Variants in SESN1 observed in about 807,000 individuals in gnomAD.
SESN1 encodes sestrin-1.
Under a neutral mutation model 59.3 loss-of-function variants are expected in SESN1, and 30 were observed. That is an observed-to-expected ratio of 0.51 (90% CI 0.38 to 0.69). The LOEUF (loss-of-function observed/expected upper bound fraction) is 0.69. SESN1 is among the 30% of genes least tolerant of loss of function. The pLI is 0.00. For synonymous variants in SESN1, 197 were observed against 219.9 expected, an observed-to-expected ratio of 0.90 and a Z score of 0.92; for missense variants, 566 against 673.0, an observed-to-expected ratio of 0.84 and a Z score of 1.76.
At chr6:109,012,231 A>G (rs937332388) in intron 1 of SESN1, among the ~76,000 whole-genome samples, 10 of 151,650 alleles carry the variant, frequency 6.6e-5, no homozygotes, top group Admixed American at 2.0e-4. Flanking sequence ...TTAAACATTT[A>G]ATTTTGATAT....
intron 1 of SESN1, among the ~76,000 whole-genome samples, chr6:109,018,821 A>G (rs1024797550): frequency 1.3e-5 from 2 of 152,200 alleles, no homozygotes; most frequent in African/African-American, 2.4e-5. Flanking sequence ...GATGACTTCT[A>G]TAGTTCATTA....
chr6:109,074,965 G>A (rs867666054), intron 1 of SESN1, among the ~76,000 whole-genome samples: 1 of 152,348 alleles, frequency 6.6e-6, no homozygotes, highest in Middle Eastern at 3.4e-3. Context: ...AGATGAAGAA[G>A]CTGCTAGAGC....
intron 1 of SESN1, among the ~76,000 whole-genome samples, chr6:109,032,786 C>T (rs926659388): frequency 1.3e-5 from 2 of 152,032 alleles, no homozygotes; most frequent in South Asian, 2.1e-4. Context: ...GGGGAGGGCT[C>T]GATCAGGGTC....
In SESN1 at chr6:109,084,564, CAAAACAAAAG is replaced by C. The variant is rs1186782514; in HGVS notation, c.279+9221_279+9230del. On this transcript the variant is annotated intron_variant, in intron 1 of 9. Coordinates refer to ENST00000436639, the MANE Select transcript of SESN1 (RefSeq NM_014454.3). The stretch of plus-strand genomic sequence containing the variant: ...GCAACAGTCGGTCTCAAAACAAAAA[CAAAACAAAAG>C]AAAACAAAACAAACAAACAAAAAAT... Among the ~76,000 whole-genome samples, 6 of 151,578 alleles carry C rather than the reference CAAAACAAAAG, an allele frequency of 4.0e-5. No homozygotes were observed. The South Asian group carries it at 1.0e-3, about 26-fold the overall frequency.
chr6:108,995,889 A>G (rs1779494330), intron 5 of SESN1, among the ~76,000 whole-genome samples: 1 of 152,188 alleles, frequency 6.6e-6, no homozygotes, highest in African/African-American at 2.4e-5. Context: ...TAAGACCTCT[A>G]TCTTCCATTC....
chr6:109,014,340 G>T, intron 1 of SESN1, among the ~76,000 whole-genome samples: 1 of 152,236 alleles, frequency 6.6e-6, no homozygotes, highest in Admixed American at 6.5e-5. Context: ...CATGTATAAA[G>T]CAGATGTAAT....
rs1780367778 is a variant in SESN1 at position 109,043,150 on chromosome 6, A to G, written c.280-40807T>C. 4.6e-5 allele frequency among the ~76,000 whole-genome samples: 7 copies of G among 152,260 alleles called. No individual in the cohort carries two copies. In the South Asian group the frequency reaches 1.4e-3, roughly 31 times the overall value. On this transcript the variant is annotated intron_variant, in intron 1 of 9. Transcript: ENST00000436639. ...TGAGTAAATTTAACACTCATTTATG[A>G]TTTTTAAAAACTTTCAGAAAAATAA...
At chr6:109,033,991 A>G (rs542303799) in intron 1 of SESN1, among the ~76,000 whole-genome samples, 2 of 152,326 alleles carry the variant, frequency 1.3e-5, no homozygotes, top group African/African-American at 4.8e-5. Context: ...CTTAGCCTCA[A>G]TGTCCTCACC....
At chr6:108,996,157 T>C (rs1265113507) in intron 5 of SESN1, among the ~76,000 whole-genome samples, 1 of 152,228 alleles carries the variant, frequency 6.6e-6, no homozygotes, top group African/African-American at 2.4e-5. Context: ...TGGTACATAG[T>C]AGATATTCAA....
At chr6:109,045,504 T>G (rs1189923378) in intron 1 of SESN1, among the ~76,000 whole-genome samples, 4 of 152,254 alleles carry the variant, frequency 2.6e-5, no homozygotes, top group Non-Finnish European at 4.4e-5. Context: ...CCAATGATAC[T>G]GAGTTCAACT....
intron 1 of SESN1, among the ~76,000 whole-genome samples, chr6:109,026,125 T>C (rs1406155842): frequency 6.6e-6 from 1 of 152,172 alleles, no homozygotes; most frequent in Admixed American, 6.5e-5. Flanking sequence ...TTTTAAAGAA[T>C]GGAAGCCAGA....
At chr6:109,061,198 G>C (rs921306514) in intron 1 of SESN1, among the ~76,000 whole-genome samples, 1 of 151,864 alleles carries the variant, frequency 6.6e-6, no homozygotes, top group Admixed American at 6.6e-5. Flanking sequence ...TAGGAAAAAA[G>C]AACAATGTAC....
chr6:109,017,520 C>G (rs972163227), intron 1 of SESN1, among the ~76,000 whole-genome samples: 4 of 152,128 alleles, frequency 2.6e-5, no homozygotes, highest in South Asian at 4.1e-4. Context: ...CTCCTCACCT[C>G]GTGATCCGCC....
intron 1 of SESN1, among the ~76,000 whole-genome samples, chr6:109,046,137 A>C (rs1366620042): frequency 6.6e-6 from 1 of 151,492 alleles, no homozygotes; most frequent in Non-Finnish European, 1.5e-5. Flanking sequence ...TCTCCCTCTC[A>C]TGCGGAGCCG....
At chr6:109,035,738 C>T (rs1334489520) in intron 1 of SESN1, among the ~76,000 whole-genome samples, 1 of 152,024 alleles carries the variant, frequency 6.6e-6, no homozygotes, top group Non-Finnish European at 1.5e-5. Flanking sequence ...GTAGCTGGGA[C>T]TACAGGTGCA....
Position 109,012,681 on chromosome 6 carries a change from C to T in SESN1, c.280-10338G>A, listed in dbSNP as rs1779879196. ...TTGGGGGAGAGTTTGGGAGAATAGA[C>T]ACAGAGTTCTAAGTAAAAGATCTAG... On this transcript the variant is annotated intron_variant, in intron 1 of 9. Coordinates refer to ENST00000436639, the MANE Select transcript of SESN1 (RefSeq NM_014454.3). 2.0e-5 allele frequency among the ~76,000 whole-genome samples: 3 copies of T among 151,994 alleles called. No homozygotes were observed. In the South Asian group the frequency reaches 6.2e-4, roughly 31 times the overall value.
chr6:109,094,195 A>G lies in SESN1; in HGVS notation c.-122T>C. The G allele has an allele frequency of 8.9e-7, 1 of 1,126,432 alleles. No homozygotes were observed. The highest frequency in any genetic ancestry group is 1.3e-6 in the Non-Finnish European group (1 of 798,666). The allele number at this position is 1,126,432 out of a possible 1,614,324, so 69.8% of individuals were successfully genotyped here. ...AGAGAAATCAAATCGTCATGAAAAC[A>G]CACATCTGGGTGACATTTGGAACCA... is the stretch of plus-strand genomic sequence containing the variant. On this transcript the variant is annotated 5_prime_UTR_variant, in exon 1 of 10. Coordinates refer to ENST00000436639, the MANE Select transcript of SESN1 (RefSeq NM_014454.3).
intron 1 of SESN1, among the ~76,000 whole-genome samples, chr6:109,088,486 G>C (rs1230312880): frequency 4.0e-5 from 6 of 151,566 alleles, no homozygotes; most frequent in Non-Finnish European, 5.9e-5. Context: ...CTGGAGGTGG[G>C]GGGGTAATAA....
At chr6:109,000,808 GT>G in intron 3 of SESN1, 135 bp from the exon 4 acceptor site, 1 of 632,684 alleles carries the variant, frequency 1.6e-6, no homozygotes, top group Non-Finnish European at 2.3e-6. Context: ...CAGAAATGCA[GT>G]TTTTATATAA....
Sources: gnomAD v4.1 joint callset for allele counts (sites outside exome capture counted in the v4.1 genomes callset) on GRCh38, gnomAD v4.1.1 for gene constraint, MANE v1.5 for transcripts, NCBI Gene and HGNC (gene_info 2026-07-23, HGNC 2026-07-21) for gene names.